The following GRIN2D variants were observed in gnomAD, a reference collection of about 807,000 sequenced individuals.
GRIN2D encodes glutamate ionotropic receptor NMDA type subunit 2D, also known as glutamate receptor ionotropic, NMDA 2D.
In GRIN2D, 37 loss-of-function variants were observed where a neutral mutation model predicts 103.2. That is an observed-to-expected ratio of 0.36 (90% CI 0.28 to 0.47). The LOEUF is 0.47. Ranked by LOEUF, GRIN2D falls within the 20% of genes least tolerant of loss-of-function variation. The pLI is 1.00. For synonymous variants in GRIN2D, 845 were observed against 885.6 expected (o/e 0.95, Z 0.81); for missense variants, 1,557 against 1,910.6 (o/e 0.81, Z 3.45).
intron 11 of GRIN2D, among the ~76,000 whole-genome samples, chr19:48,432,603 C>T (rs1172515536): frequency 2.6e-5 from 4 of 151,840 alleles, no homozygotes; most frequent in East Asian, 1.9e-4. Flanking sequence ...CTCAGCCTCC[C>T]GAGTAGCTTG....
rs369747884 is a variant in GRIN2D at position 48,405,195 on chromosome 19, G to C, written c.927G>C (p.Ser309=). ...CTGCCGGGCTGTTTGCAGTGCGCTC[G>C]GCTGGCTGGCGGGATGACCTGGCTC... The part of the protein sequence containing the change: ...PLPAGLFAVR[S]AGWRDDLARR... The change falls in exon 4 of 14, where the codon TCG becomes TCC. Residue 309 remains serine, a synonymous_variant. Coordinates refer to ENST00000263269, the MANE Select transcript of GRIN2D (RefSeq NM_000836.4). The surrounding 1 kb of genome is among the most constrained non-coding windows in gnomAD (Gnocchi z 5.1). 6.2e-7 allele frequency: 1 copy of C among 1,602,366 alleles called. No individual in the cohort carries two copies.
intron 11 of GRIN2D, among the ~76,000 whole-genome samples, chr19:48,434,668 A>G (rs898877233): frequency 1.1e-4 from 16 of 151,974 alleles, no homozygotes; most frequent in African/African-American, 3.6e-4. Flanking sequence ...TCCTGGCCTC[A>G]AGCAATCCTC....
chr19:48,428,959 G>C (rs1206445106), intron 11 of GRIN2D, among the ~76,000 whole-genome samples: 2 of 152,054 alleles, frequency 1.3e-5, no homozygotes. Flanking sequence ...TACAGCCCAG[G>C]TTCTCACCAC....
At position 48,404,967 on chromosome 19, in the gene GRIN2D, T is replaced by C. The variant is rs777012990; in HGVS notation, c.699T>C (p.Ser233=). The C allele has an allele frequency of 6.2e-6, 10 of 1,612,526 alleles. No individual in the cohort carries two copies. The highest frequency in any genetic ancestry group is 1.7e-5 in the Admixed American group (1 of 59,982). The change falls in exon 4 of 14, where the codon AGT becomes AGC. Residue 233 remains serine (S), a synonymous_variant. Coordinates refer to ENST00000263269, the MANE Select transcript of GRIN2D (RefSeq NM_000836.4). The part of the protein sequence containing the change: ...LDPGAGEAVL[S]AQLRSVSAQI... Reference sequence around the variant, plus strand: ...CTGGGGCGGGCGAGGCCGTGCTCAGTGCCCAGCTCCGCAGTGTCAGCGCGC... The same window carrying C: ...CTGGGGCGGGCGAGGCCGTGCTCAGCGCCCAGCTCCGCAGTGTCAGCGCGC...
chr19:48,402,665 C>T (rs1203212210), intron 3 of GRIN2D, among the ~76,000 whole-genome samples: 14 of 137,176 alleles, frequency 1.0e-4, no homozygotes, highest in Admixed American at 1.8e-4. Flanking sequence ...TTCAGTGAGC[C>T]GAGATTGCGC....
chr19:48,414,825 G>A lies in GRIN2D; in HGVS notation c.1413-39G>A. 1 of 1,606,224 alleles carries A rather than the reference G, an allele frequency of 6.2e-7. No individual in the cohort carries two copies. The highest frequency in any genetic ancestry group is 8.5e-7 in the Non-Finnish European group (1 of 1,175,752). On this transcript the variant is annotated intron_variant, in intron 6 of 13. Coordinates refer to ENST00000263269, the MANE Select transcript of GRIN2D (RefSeq NM_000836.4). The surrounding 1 kb of genome is among the most constrained non-coding windows in gnomAD (Gnocchi z 4.6). The stretch of plus-strand genomic sequence containing the variant: ...TCTCTTCATGAGAGAGTCTAAGGAG[G>A]GGGTCCCCAAACTCCCCAAGCCTGG...
chr19:48,412,479 A>AAGAG (rs1374176248), intron 4 of GRIN2D, among the ~76,000 whole-genome samples: 52 of 136,914 alleles, frequency 3.8e-4, no homozygotes, highest in Middle Eastern at 3.7e-3. Flanking sequence ...GAAAGAAAGA[A>AAGAG]AGAGAGAGAA....
Position 48,443,393 on chromosome 19 carries a change from A to T in GRIN2D, c.3467A>T (p.Asp1156Val). 6.9e-7 allele frequency: 1 copy of T among 1,448,668 alleles called. No individual in the cohort carries two copies. The highest frequency in any genetic ancestry group is 2.9e-5 in the East Asian group (1 of 34,706). 89.7% of individuals were successfully genotyped at this position (1,448,668 alleles called of 1,614,324 possible). A position where few individuals can be genotyped will look rare whatever the true frequency, so the allele number is the denominator to read the frequency against. Residue 1156 changes from aspartate (D) to valine (V), a missense_variant, in exon 14 of 14, where the codon GAC becomes GTC. Asp to Val is a radical substitution (Grantham distance 152). Transcript: ENST00000263269. The surrounding 1 kb of genome is among the most constrained non-coding windows in gnomAD (Gnocchi z 8.9). ...CCGCCCGGCCGCTACTGGTCGGTCGACAAGCTCGGGGGCTGGCGCGCCGGG... is the reference window on the plus strand; with the variant it reads ...CCGCCCGGCCGCTACTGGTCGGTCGTCAAGCTCGGGGGCTGGCGCGCCGGG... The part of the protein sequence containing the change: ...GPPPGRYWSV[D>V]KLGGWRAGSW...
chr19:48,395,809 C>T (rs1243207516), intron 2 of GRIN2D, among the ~76,000 whole-genome samples: 1 of 152,072 alleles, frequency 6.6e-6, no homozygotes, highest in Non-Finnish European at 1.5e-5. Flanking sequence ...AGGACAGGAG[C>T]CGGAACCCGG....
At chr19:48,429,080 T>C (rs1799286) in intron 11 of GRIN2D, among the ~76,000 whole-genome samples, 144,900 of 152,284 alleles carry the variant, frequency 0.95, 69,213 homozygotes, top group African/African-American at 0.99. Flanking sequence ...CTCATTGTCA[T>C]CTCTTGCTCT....
Position 48,393,743 on chromosome 19 carries a change from G to GCCGCCGCCGCCACCCTCGC in GRIN2D, c.-426_-408dup, listed in dbSNP as rs1970592799. ...CCCGCTCCAGCTCCTCCAAGCCGCGGCCGCCGCCGCCACCCTCGCCCGCAG... is the reference window on the plus strand; with the variant it reads ...CCCGCTCCAGCTCCTCCAAGCCGCGGCCGCCGCCGCCACCCTCGCCCGCCGCCGCCACCCTCGCCCGCAG... On this transcript the variant is annotated 5_prime_UTR_variant, in exon 1 of 14. Transcript: ENST00000263269. This position sits in a 1 kb window ranked among gnomAD's most constrained non-coding sequence, Gnocchi z 5.6. 6.6e-6 allele frequency among the ~76,000 whole-genome samples: 1 copy of GCCGCCGCCGCCACCCTCGC among 152,006 alleles called. No homozygotes were observed. Among genetic ancestry groups the GCCGCCGCCGCCACCCTCGC allele is most frequent in the African/African-American group, 2.4e-5 (1 of 41,386 alleles).
rs1481968892 is a variant in GRIN2D, at chr19:48,421,770, C to T, written c.2092-15C>T. 2 of 1,611,354 alleles carry T rather than the reference C, an allele frequency of 1.2e-6. No homozygotes were observed. Among genetic ancestry groups the T allele is most frequent in the Admixed American group, 1.7e-5 (1 of 59,304 alleles). On this transcript the variant is annotated splice_polypyrimidine_tract_variant and intron_variant, in intron 10 of 13. Transcript: ENST00000263269. The surrounding 1 kb of genome is among the most constrained non-coding windows in gnomAD (Gnocchi z 4.8). ...CCTGCGGAGGGTGCCCTAATCACTC[C>T]CCATTCTGCCCCAGTTCCAGAGGCC... is the stretch of plus-strand genomic sequence containing the variant.
In GRIN2D at chr19:48,414,570, C is replaced by A; in HGVS notation, c.1398C>A (p.Leu466=). The A allele has an allele frequency of 6.4e-7, 1 of 1,551,522 alleles. No homozygotes were observed. The highest frequency in any genetic ancestry group is 2.4e-5 in the East Asian group (1 of 41,018). Residue 466 remains leucine (L), a synonymous_variant, in exon 6 of 14, where the codon CTC becomes CTA. Coordinates refer to ENST00000263269, the MANE Select transcript of GRIN2D (RefSeq NM_000836.4). This position sits in a 1 kb window ranked among gnomAD's most constrained non-coding sequence, Gnocchi z 4.6. ...IRDSVPCRSQ[L]NRTHSPPPDA... ...ACTCCGTCCCCTGCCGGAGCCAGCTCAACCGAACCCACAGGTGACAGCTCG... is the reference window on the plus strand; with the variant it reads ...ACTCCGTCCCCTGCCGGAGCCAGCTAAACCGAACCCACAGGTGACAGCTCG...
chr19:48,428,382 C>T lies in GRIN2D; in HGVS notation c.2252+6437C>T, dbSNP rs543496583. Among the ~76,000 whole-genome samples the T allele has an allele frequency of 8.7e-3, 1,072 of 123,814 alleles. 14 individuals carry two copies. Among genetic ancestry groups the T allele is most frequent in the Non-Finnish European group, 9.9e-3 (599 of 60,478 alleles). 81.2% of individuals were successfully genotyped at this position (123,814 alleles called of 152,430 possible). On this transcript the variant is annotated intron_variant, in intron 11 of 13. Transcript: ENST00000263269. ...CCGCTTTTTTTTTTTTTAATTGAGA[C>T]GGACTTTCACTCTTGTTGCCCCGGC...
chr19:48,414,453 C>T lies in GRIN2D; in HGVS notation c.1281C>T (p.Asp427=), dbSNP rs1039877822. The change falls in exon 6 of 14, where the codon GAC becomes GAT. Residue 427 remains aspartate, a synonymous_variant. Transcript: ENST00000263269. This position sits in a 1 kb window ranked among gnomAD's most constrained non-coding sequence, Gnocchi z 4.6. ...SRYGRFLQPV[D]DTQHLTVATL... ...ATGGTCGCTTCCTGCAGCCAGTGGA[C>T]GACACGCAGCACCTCACGGTGGCCA... 1.2e-6 allele frequency: 2 copies of T among 1,608,158 alleles called. No individual in the cohort carries two copies. Among genetic ancestry groups the T allele is most frequent in the Non-Finnish European group, 1.7e-6 (2 of 1,177,372 alleles).
chr19:48,396,652 A>G (rs1311662271), intron 2 of GRIN2D, among the ~76,000 whole-genome samples: 6 of 151,990 alleles, frequency 3.9e-5, no homozygotes, highest in African/African-American at 1.5e-4. Context: ...AGGGATGGGC[A>G]TACTAGGAGC....
At chr19:48,395,648 T>A (rs1257468784) in intron 2 of GRIN2D, among the ~76,000 whole-genome samples, 7 of 151,904 alleles carry the variant, frequency 4.6e-5, no homozygotes, top group Admixed American at 4.6e-4. Flanking sequence ...CCCTAGGAAT[T>A]TCTGGCACCC....
intron 11 of GRIN2D, among the ~76,000 whole-genome samples, chr19:48,432,851 C>T (rs1248834078): frequency 2.0e-5 from 3 of 148,372 alleles, no homozygotes; most frequent in African/African-American, 5.0e-5. Context: ...AGTGCAGTGG[C>T]ACGATCTCTG....
At position 48,414,692 on chromosome 19, in the gene GRIN2D, C is replaced by T. The variant is rs1970920002; in HGVS notation, c.1412+108C>T. 1.6e-6 allele frequency: 2 copies of T among 1,260,406 alleles called. No individual in the cohort carries two copies. The highest frequency in any genetic ancestry group is 2.2e-6 in the Non-Finnish European group (2 of 906,088). The allele number at this position is 1,260,406 out of a possible 1,614,324, so 78.1% of individuals were successfully genotyped here. A position where few individuals can be genotyped will look rare whatever the true frequency, so the allele number is the denominator to read the frequency against. On this transcript the variant is annotated intron_variant, in intron 6 of 13. Transcript: ENST00000263269. This position sits in a 1 kb window ranked among gnomAD's most constrained non-coding sequence, Gnocchi z 4.6. ...CCCTTGGGACCCAGGACCCACAAAG[C>T]CCTCCAGCTTGGTGACCTTAGGCAA...
Sources: gnomAD v4.1 joint callset for allele counts (sites outside exome capture counted in the v4.1 genomes callset) on GRCh38, gnomAD v4.1.1 for gene constraint, Gnocchi (gnomAD v3.1) non-coding constraint, MANE v1.5 for transcripts, NCBI Gene and HGNC (gene_info 2026-07-23, HGNC 2026-07-21) for gene names.